PXDNL: variants seen among roughly 807,000 people sequenced by gnomAD.
The protein encoded by PXDNL is probable oxidoreductase PXDNL.
In PXDNL, 145 loss-of-function variants were observed where a neutral mutation model predicts 150.8. The observed-to-expected ratio is 0.96, with a 90% CI of 0.84 to 1.10. The LOEUF is 1.10. Among genes scored for constraint, PXDNL ranks in the 50% least tolerant of loss-of-function variants. PXDNL has a pLI of 0.00. For synonymous variants in PXDNL, 757 were observed against 725.7 expected, an observed-to-expected ratio of 1.04 and a Z score of -0.69; for missense variants, 2,087 against 1,873.9, an observed-to-expected ratio of 1.11 and a Z score of -2.10.
At chr8:51,735,556 T>TTG (rs1817020506) in intron 1 of PXDNL, among the ~76,000 whole-genome samples, 2 of 134,142 alleles carry the variant, frequency 1.5e-5, no homozygotes, top group African/African-American at 5.6e-5. Context: ...TTTTTTTTTT[T>TTG]TTTTTTTTGA....
chr8:51,331,966 A>G (rs1299902565), intron 21 of PXDNL, among the ~76,000 whole-genome samples: 2 of 151,942 alleles, frequency 1.3e-5, no homozygotes, highest in Non-Finnish European at 2.9e-5. Context: ...GTCCCTCTCT[A>G]TACTACTACA....
intron 3 of PXDNL, among the ~76,000 whole-genome samples, chr8:51,559,426 T>C (rs1812674277): frequency 1.4e-5 from 2 of 146,168 alleles, no homozygotes; most frequent in African/African-American, 2.5e-5. Flanking sequence ...CCGTTTCCCA[T>C]AGGATAATGG....
Position 51,408,688 on chromosome 8 carries a change from T to C in PXDNL, c.2936A>G (p.Asn979Ser). The change falls in exon 17 of 23, where the codon AAC becomes AGC. Residue 979 changes from asparagine (N) to serine (S), a missense_variant. Transcript: ENST00000356297. Reference protein sequence around the residue: ...AMHTLWFREHNRMATELSALN... With the variant: ...AMHTLWFREHSRMATELSALN... ...GGCGGACAGCTCCGTGGCCATCCTGTTGTGTTCCCGGAACCACAGGGTGTG... is the reference window on the plus strand; with the variant it reads ...GGCGGACAGCTCCGTGGCCATCCTGCTGTGTTCCCGGAACCACAGGGTGTG... 1 of 1,596,076 alleles carries C rather than the reference T, an allele frequency of 6.3e-7. No individual in the cohort carries two copies. The highest frequency in any genetic ancestry group is 8.5e-7 in the Non-Finnish European group (1 of 1,171,022).
At chr8:51,694,152 G>A (rs1816063714) in intron 1 of PXDNL, among the ~76,000 whole-genome samples, 1 of 152,172 alleles carries the variant, frequency 6.6e-6, no homozygotes, top group Non-Finnish European at 1.5e-5. Context: ...GAGGTCAGGA[G>A]TTGGAGACCA....
chr8:51,382,802 G>GAC (rs1807589669), intron 17 of PXDNL, among the ~76,000 whole-genome samples: 1 of 152,138 alleles, frequency 6.6e-6, no homozygotes, highest in African/African-American at 2.4e-5. Flanking sequence ...TCAGATTTAT[G>GAC]TCTATGAACT....
chr8:51,563,990 T>C (rs762032396), intron 3 of PXDNL, among the ~76,000 whole-genome samples: 12 of 152,040 alleles, frequency 7.9e-5, no homozygotes, highest in South Asian at 2.1e-4. Context: ...AAGTCATTTC[T>C]ATATACACAA....
In PXDNL at chr8:51,360,802, C is replaced by A. The variant is rs962621494; in HGVS notation, c.3901+11071G>T. On this transcript the variant is annotated intron_variant, in intron 19 of 22. Coordinates refer to ENST00000356297, the MANE Select transcript of PXDNL (RefSeq NM_144651.5). The stretch of plus-strand genomic sequence containing the variant: ...AATAATGCAAATGCTGGTCTGGAAC[C>A]AATCTGGCTGTTTCTGTACCTCACT... 2.6e-5 allele frequency among the ~76,000 whole-genome samples: 4 copies of A among 152,224 alleles called. No homozygotes were observed. The East Asian group carries it at 7.7e-4, about 29-fold the overall frequency.
intron 1 of PXDNL, among the ~76,000 whole-genome samples, chr8:51,764,258 T>G (rs1345811025): frequency 1.3e-5 from 2 of 151,942 alleles, no homozygotes; most frequent in Non-Finnish European, 2.9e-5. Context: ...AAGAGCAAGC[T>G]TTTTTGGTTT....
chr8:51,338,182 C>CAA (rs757946882), intron 21 of PXDNL, among the ~76,000 whole-genome samples: 134 of 89,882 alleles, frequency 1.5e-3, no homozygotes, highest in Middle Eastern at 5.3e-3. Context: ...GACTCCATCT[C>CAA]AAAAAAAAAA....
intron 21 of PXDNL, among the ~76,000 whole-genome samples, chr8:51,331,985 T>C (rs1416397646): frequency 6.6e-6 from 1 of 151,946 alleles, no homozygotes; most frequent in African/African-American, 2.4e-5. Flanking sequence ...CAGCTGATGC[T>C]TTCTGCAGAG....
At chr8:51,493,634 G>A (rs534444423) in intron 5 of PXDNL, among the ~76,000 whole-genome samples, 1 of 152,308 alleles carries the variant, frequency 6.6e-6, no homozygotes, top group South Asian at 2.1e-4. Context: ...CATGACGAAT[G>A]CACAAGCCTC....
intron 17 of PXDNL, among the ~76,000 whole-genome samples, chr8:51,407,337 TA>T (rs1489715295): frequency 6.6e-6 from 1 of 152,342 alleles, no homozygotes; most frequent in East Asian, 1.9e-4. Context: ...CTTATAATTT[TA>T]AACTTCTTTG....
In PXDNL at chr8:51,453,750, C is replaced by G; in HGVS notation, c.1018G>C (p.Glu340Gln). 1 of 1,614,022 alleles carries G rather than the reference C, an allele frequency of 6.2e-7. No homozygotes were observed. Among genetic ancestry groups the G allele is most frequent in the Non-Finnish European group, 8.5e-7 (1 of 1,179,890 alleles). ...GTTGTGCTGGTGCCAATTAAAACCT[C>G]TGTGTCCTGAGGCTGGATTACAAAG... ...PSFVIQPQDT[E>Q]VLIGTSTTLE... The change falls in exon 10 of 23, where the codon GAG (glutamate) becomes CAG (glutamine). Residue 340 changes from glutamate (E) to glutamine (Q), a missense_variant. Glu to Gln is a conservative substitution (Grantham distance 29). Coordinates refer to ENST00000356297, the MANE Select transcript of PXDNL (RefSeq NM_144651.5).
chr8:51,566,208 T>A (rs1812826841), intron 3 of PXDNL, among the ~76,000 whole-genome samples: 1 of 152,036 alleles, frequency 6.6e-6, no homozygotes, highest in African/African-American at 2.4e-5. Context: ...TTGAGGATTC[T>A]TACATTTATA....
intron 14 of PXDNL, among the ~76,000 whole-genome samples, chr8:51,416,428 T>A (rs72637831): frequency 6.6e-6 from 1 of 152,196 alleles, no homozygotes; most frequent in Non-Finnish European, 1.5e-5. Flanking sequence ...TATAGTTGTA[T>A]AAGATTTACA....
At chr8:51,639,152 A>T (rs1814679863) in intron 2 of PXDNL, among the ~76,000 whole-genome samples, 1 of 152,188 alleles carries the variant, frequency 6.6e-6, no homozygotes, top group Non-Finnish European at 1.5e-5. Context: ...TTTGAAACCA[A>T]GGAGAACAAA....
chr8:51,665,051 T>A (rs903752130), intron 1 of PXDNL, among the ~76,000 whole-genome samples: 1 of 152,208 alleles, frequency 6.6e-6, no homozygotes, highest in Non-Finnish European at 1.5e-5. Context: ...CCCTGCCAGC[T>A]GCACCATCTG....
chr8:51,684,443 A>C (rs1234863904), intron 1 of PXDNL, among the ~76,000 whole-genome samples: 3 of 152,172 alleles, frequency 2.0e-5, no homozygotes, highest in Non-Finnish European at 2.9e-5. Context: ...GATGTGGAAA[A>C]CCTGTGCATA....
At chr8:51,451,551 C>T (rs1007320350) in intron 10 of PXDNL, among the ~76,000 whole-genome samples, 2 of 152,176 alleles carry the variant, frequency 1.3e-5, no homozygotes, top group African/African-American at 4.8e-5. Flanking sequence ...TAAGGTGCTG[C>T]CTCACACACA....
Sources: allele counts gnomAD v4.1 joint callset (sites outside exome capture counted in the v4.1 genomes callset), GRCh38; gene constraint gnomAD v4.1.1; transcripts MANE v1.5; gene names NCBI Gene and HGNC (gene_info 2026-07-23, HGNC 2026-07-21).